GHRHR: variants seen among roughly 807,000 people sequenced by gnomAD.
GHRHR encodes growth hormone-releasing hormone receptor.
GHRHR carries 40 observed loss-of-function variants against 58.3 expected under a neutral mutation model. The ratio of observed to expected loss-of-function variants is 0.69; its 90% CI spans 0.53 to 0.89. The LOEUF (loss-of-function observed/expected upper bound fraction) is 0.89. Ranked by LOEUF, GHRHR falls within the 40% of genes least tolerant of loss-of-function variation. The pLI, the probability that GHRHR is intolerant of heterozygous loss-of-function variation, is 0.00. For missense variants in GHRHR, 551 were observed against 541.3 expected, an observed-to-expected ratio of 1.02 and a Z score of -0.18; for synonymous variants, 249 against 216.6, an observed-to-expected ratio of 1.15 and a Z score of -1.31.
chr7:30,974,803 C>G (rs1481410780), intron 8 of GHRHR, among the ~76,000 whole-genome samples, 168 bp from the exon 9 acceptor site: 1 of 152,070 alleles, frequency 6.6e-6, no homozygotes, highest in Non-Finnish European at 1.5e-5. Context: ...GTGAGCCCAG[C>G]CTGGATTGGG....
In GHRHR at chr7:30,974,057, G is replaced by A; in HGVS notation, c.670G>A (p.Ala224Thr). Residue 224 changes from alanine to threonine, a missense_variant, in exon 7 of 13, where the codon GCC (alanine) becomes ACC (threonine). Coordinates refer to ENST00000326139, the MANE Select transcript of GHRHR (RefSeq NM_000823.4). Reference sequence around the variant, plus strand: ...CAACTTCAGCTGGCTGTTGGCAGAAGCCGTCTACCTGAACTGCCTCCTGGC... The same window carrying A: ...CAACTTCAGCTGGCTGTTGGCAGAAACCGTCTACCTGAACTGCCTCCTGGC... ...MTNFSWLLAEAVYLNCLLAST... is the reference protein window; with the variant it reads ...MTNFSWLLAETVYLNCLLAST... The A allele has an allele frequency of 6.2e-7, 1 of 1,614,102 alleles. No homozygotes were observed. Among genetic ancestry groups the A allele is most frequent in the Non-Finnish European group, 8.5e-7 (1 of 1,179,984 alleles).
At chr7:30,976,305 C>G in intron 10 of GHRHR, 124 bp from the exon 11 acceptor site, 1 of 856,546 alleles carries the variant, frequency 1.2e-6, no homozygotes, top group Admixed American at 1.8e-5. Flanking sequence ...GGGGAGGTGG[C>G]GTTTCCCAAG....
intron 1 of GHRHR, among the ~76,000 whole-genome samples, chr7:30,965,196 G>A (rs1792323092): frequency 6.6e-6 from 1 of 152,210 alleles, no homozygotes; most frequent in African/African-American, 2.4e-5. Flanking sequence ...TCTGCCATCT[G>A]TGTGCACTCT....
intron 6 of GHRHR, among the ~76,000 whole-genome samples, chr7:30,972,321 C>T (rs1019091374): frequency 6.6e-6 from 1 of 152,194 alleles, no homozygotes; most frequent in African/African-American, 2.4e-5. Flanking sequence ...ATTGCATGCT[C>T]TACTCCGCGT....
rs28371562 is a variant in GHRHR at position 30,979,214 on chromosome 7, G to C, written c.1242G>C (p.Ser414=). 1.2e-6 allele frequency: 2 copies of C among 1,614,028 alleles called. No homozygotes were observed. Among genetic ancestry groups the C allele is most frequent in the Non-Finnish European group, 1.7e-6 (2 of 1,179,920 alleles). ...CTAAGTGGACCACGCCTTCCCGCTC[G>C]GCGGCAAAGGTGCTGACATCTATGT... ...TRAKWTTPSR[S]AAKVLTSMC is the part of the protein sequence containing the mutation. The change falls in exon 13 of 13, where the codon TCG becomes TCC. Residue 414 remains serine, a synonymous_variant. Transcript: ENST00000326139.
At chr7:30,973,139 A>G (rs1386397178) in intron 6 of GHRHR, among the ~76,000 whole-genome samples, 1 of 152,248 alleles carries the variant, frequency 6.6e-6, no homozygotes. Flanking sequence ...AAAAATTTTA[A>G]GAAAATCATA....
intron 1 of GHRHR, among the ~76,000 whole-genome samples, chr7:30,965,655 T>G (rs938477443): frequency 6.6e-6 from 1 of 152,230 alleles, no homozygotes; most frequent in Non-Finnish European, 1.5e-5. Flanking sequence ...GGCATGAGGC[T>G]GCTCTCCTGG....
At chr7:30,973,269 T>C (rs1339989666) in intron 6 of GHRHR, among the ~76,000 whole-genome samples, 1 of 152,252 alleles carries the variant, frequency 6.6e-6, no homozygotes, top group African/African-American at 2.4e-5. Context: ...TCTTGCTGTC[T>C]TAGGGGTGAC....
intron 1 of GHRHR, 133 bp from the exon 2 acceptor site, chr7:30,968,701 G>T (rs1208552523): frequency 4.3e-6 from 2 of 460,306 alleles, no homozygotes; most frequent in Non-Finnish European, 8.5e-6. Flanking sequence ...TGAAACTACT[G>T]TGAGCAGGTC....
intron 12 of GHRHR, among the ~76,000 whole-genome samples, chr7:30,977,676 G>A (rs755189002): frequency 9.2e-5 from 14 of 152,078 alleles, no homozygotes; most frequent in South Asian, 2.1e-4. Flanking sequence ...GAGGGGGTAC[G>A]CCAGCTGAGG....
chr7:30,965,342 G>A (rs989813398), intron 1 of GHRHR, among the ~76,000 whole-genome samples: 1 of 152,196 alleles, frequency 6.6e-6, no homozygotes. Context: ...ACCAGGAAGA[G>A]CAGCAGGCAT....
chr7:30,976,626 G>T, intron 11 of GHRHR, 68 bp downstream of exon 11: 3 of 1,420,550 alleles, frequency 2.1e-6, no homozygotes, highest in Admixed American at 3.6e-5. Flanking sequence ...TTGCCCACGG[G>T]CCTTGGCTGA....
At chr7:30,973,820 C>G (rs950072101) in intron 6 of GHRHR, among the ~76,000 whole-genome samples, 165 bp from the exon 7 acceptor site, 41 of 152,122 alleles carry the variant, frequency 2.7e-4, no homozygotes, top group Non-Finnish European at 7.4e-5. Context: ...TGCTCTTAAC[C>G]CTCACTGTAT....
At chr7:30,974,607 A>T in intron 8 of GHRHR, 118 bp downstream of exon 8, 1 of 783,334 alleles carries the variant, frequency 1.3e-6, no homozygotes, top group Non-Finnish European at 2.3e-6. Context: ...CTGCCCGGCT[A>T]GGATGGGGGG....
intron 6 of GHRHR, among the ~76,000 whole-genome samples, chr7:30,972,369 G>C (rs1287010818): frequency 6.6e-6 from 1 of 152,126 alleles, no homozygotes; most frequent in African/African-American, 2.4e-5. Context: ...ACTATGCACA[G>C]CCTTTTCCTT....
rs375830797 is a variant in GHRHR at position 30,972,102 on chromosome 7, G to A, written c.597+7G>A. The A allele has an allele frequency of 1.2e-6, 2 of 1,613,818 alleles. No individual in the cohort carries two copies. The highest frequency in any genetic ancestry group is 1.6e-4 in the Middle Eastern group (1 of 6,062). ...CCACTGCAGCTTCTCCACTGTAATG[G>A]CCATGGGTGAAGGGGCTGGGCAGGT... On this transcript the variant is annotated splice_region_variant and intron_variant, in intron 6 of 12. Coordinates refer to ENST00000326139, the MANE Select transcript of GHRHR (RefSeq NM_000823.4).
intron 12 of GHRHR, among the ~76,000 whole-genome samples, chr7:30,978,827 A>C (rs1003921819): frequency 6.6e-6 from 1 of 152,210 alleles, no homozygotes; most frequent in Non-Finnish European, 1.5e-5. Context: ...CAGGGTGGTT[A>C]TTTGGCCAGG....
chr7:30,977,996 G>A (rs938982881), intron 12 of GHRHR, among the ~76,000 whole-genome samples: 3 of 152,174 alleles, frequency 2.0e-5, no homozygotes, highest in South Asian at 4.2e-4. Context: ...GGAGAGAGGC[G>A]GGGGAGAATT....
intron 1 of GHRHR, among the ~76,000 whole-genome samples, chr7:30,968,398 A>C (rs1310525178): frequency 6.6e-6 from 1 of 152,034 alleles, no homozygotes; most frequent in Non-Finnish European, 1.5e-5. Context: ...ATATTGTCTA[A>C]TGTGTCTCAG....
Sources: allele counts gnomAD v4.1 joint callset (sites outside exome capture counted in the v4.1 genomes callset), GRCh38; gene constraint gnomAD v4.1.1; transcripts MANE v1.5; gene names NCBI Gene and HGNC (gene_info 2026-07-23, HGNC 2026-07-21).